Variants in ADAMTS16 observed in about 807,000 individuals in gnomAD.
The protein encoded by ADAMTS16 is A disintegrin and metalloproteinase with thrombospondin motifs 16.
In ADAMTS16, 94 loss-of-function variants were observed where a neutral mutation model predicts 145.8. The ratio of observed to expected loss-of-function variants is 0.64; its 90% CI spans 0.55 to 0.77. The LOEUF (loss-of-function observed/expected upper bound fraction) is 0.77. ADAMTS16 is among the 30% of genes least tolerant of loss of function. The pLI, the probability that ADAMTS16 is intolerant of heterozygous loss-of-function variation, is 0.00. For synonymous variants in ADAMTS16, 659 were observed against 604.3 expected (o/e 1.09, Z -1.33); for missense variants, 1,585 against 1,591.5 (o/e 1.00, Z 0.07).
At chr5:5,149,549 G>A (rs1248950913) in intron 3 of ADAMTS16, among the ~76,000 whole-genome samples, 1 of 152,208 alleles carries the variant, frequency 6.6e-6, no homozygotes, top group Non-Finnish European at 1.5e-5. Context: ...TTATTGAGAT[G>A]TAACTCACTC....
At chr5:5,158,134 A>G (rs2126522389) in intron 3 of ADAMTS16, among the ~76,000 whole-genome samples, 1 of 152,202 alleles carries the variant, frequency 6.6e-6, no homozygotes, top group East Asian at 1.9e-4. Flanking sequence ...CATCCATACT[A>G]CACCTTATTT....
intron 3 of ADAMTS16, among the ~76,000 whole-genome samples, chr5:5,153,696 G>T (rs2126515670): frequency 6.6e-6 from 1 of 152,256 alleles, no homozygotes; most frequent in East Asian, 1.9e-4. Flanking sequence ...GATGGGAATA[G>T]ATTTTTCTTA....
chr5:5,187,539 C>A (rs1369475391), intron 5 of ADAMTS16, among the ~76,000 whole-genome samples, 186 bp from the exon 6 acceptor site: 1 of 152,210 alleles, frequency 6.6e-6, no homozygotes, highest in African/African-American at 2.4e-5. Flanking sequence ...AAGAGGTGGA[C>A]CCCACTCCCA....
intron 18 of ADAMTS16, among the ~76,000 whole-genome samples, chr5:5,263,143 C>A (rs375742033): frequency 7.2e-5 from 11 of 152,190 alleles, no homozygotes; most frequent in Non-Finnish European, 1.0e-4. Context: ...ATGAAACTTG[C>A]TGGAAGAACC....
At chr5:5,181,446 G>T (rs111641106) in intron 3 of ADAMTS16, among the ~76,000 whole-genome samples, 45 of 152,250 alleles carry the variant, frequency 3.0e-4, no homozygotes, top group African/African-American at 1.1e-3. Context: ...GACATTTTTG[G>T]TATTTTTATA....
chr5:5,170,494 T>C (rs1456615231), intron 3 of ADAMTS16, among the ~76,000 whole-genome samples: 1 of 152,102 alleles, frequency 6.6e-6, no homozygotes, highest in Non-Finnish European at 1.5e-5. Flanking sequence ...TTCTCCTGCC[T>C]CAGCCCCCCG....
chr5:5,257,177 T>TG (rs1737814332), intron 17 of ADAMTS16, among the ~76,000 whole-genome samples: 1 of 152,166 alleles, frequency 6.6e-6, no homozygotes, highest in African/African-American at 2.4e-5. Context: ...TCATTGAAAT[T>TG]GTGCCCCAGT....
chr5:5,305,968 T>C (rs1215114905), intron 20 of ADAMTS16, among the ~76,000 whole-genome samples: 1 of 152,244 alleles, frequency 6.6e-6, no homozygotes. Context: ...TGTCTGCAAC[T>C]GGAGCAGCTC....
chr5:5,251,976 G>T (rs943568494), intron 17 of ADAMTS16, among the ~76,000 whole-genome samples: 1 of 152,008 alleles, frequency 6.6e-6, no homozygotes, highest in Non-Finnish European at 1.5e-5. Context: ...GCAGCCTCCC[G>T]AGTAGCTGGG....
chr5:5,174,540 C>T (rs1735136783), intron 3 of ADAMTS16, among the ~76,000 whole-genome samples: 1 of 152,048 alleles, frequency 6.6e-6, no homozygotes, highest in Non-Finnish European at 1.5e-5. Context: ...AATAAACTTT[C>T]CATCTCTCTC....
chr5:5,210,028 C>T (rs1736232557), intron 10 of ADAMTS16, among the ~76,000 whole-genome samples: 1 of 152,176 alleles, frequency 6.6e-6, no homozygotes, highest in African/African-American at 2.4e-5. Context: ...TAAAGTCAAG[C>T]AGAGCTCCCC....
chr5:5,246,737 T>A (rs1407257921), intron 17 of ADAMTS16, among the ~76,000 whole-genome samples: 1 of 152,212 alleles, frequency 6.6e-6, no homozygotes, highest in Non-Finnish European at 1.5e-5. Context: ...CATTTGTGCA[T>A]CTTAATCGGG....
At chr5:5,261,400 C>T (rs942948954) in intron 17 of ADAMTS16, among the ~76,000 whole-genome samples, 1 of 151,988 alleles carries the variant, frequency 6.6e-6, no homozygotes, top group Non-Finnish European at 1.5e-5. Flanking sequence ...AGCCTGTCAA[C>T]GTGCTGGGAT....
chr5:5,197,079 G>T (rs1735825031), intron 8 of ADAMTS16, among the ~76,000 whole-genome samples: 1 of 152,296 alleles, frequency 6.6e-6, no homozygotes, highest in Middle Eastern at 3.4e-3. Flanking sequence ...GGGCAGCTCA[G>T]TCTTACCTGT....
At chr5:5,282,604 C>A (rs2126474116) in intron 18 of ADAMTS16, among the ~76,000 whole-genome samples, 1 of 152,326 alleles carries the variant, frequency 6.6e-6, no homozygotes, top group South Asian at 2.1e-4. Context: ...AAAGCTTACT[C>A]CCCAACAGGG....
At chr5:5,226,836 A>T (rs1164362655) in intron 11 of ADAMTS16, among the ~76,000 whole-genome samples, 1 of 152,240 alleles carries the variant, frequency 6.6e-6, no homozygotes, top group Non-Finnish European at 1.5e-5. Context: ...AGCCTAGTGC[A>T]GTCCCCATTG....
At chr5:5,270,221 C>A (rs1442740245) in intron 18 of ADAMTS16, among the ~76,000 whole-genome samples, 1 of 152,186 alleles carries the variant, frequency 6.6e-6, no homozygotes, top group Non-Finnish European at 1.5e-5. Flanking sequence ...AAATTTCTGT[C>A]TCACAGGAGA....
chr5:5,294,341 T>C (rs141119067), intron 18 of ADAMTS16, among the ~76,000 whole-genome samples: 1 of 152,334 alleles, frequency 6.6e-6, no homozygotes, highest in East Asian at 1.9e-4. Context: ...CAAAGGAAGA[T>C]TTATTTTAAG....
chr5:5,206,151 G>T (rs1736101606), intron 9 of ADAMTS16, among the ~76,000 whole-genome samples: 1 of 151,862 alleles, frequency 6.6e-6, no homozygotes, highest in African/African-American at 2.4e-5. Flanking sequence ...CTTTGGCCGG[G>T]CGCGGTGGCT....
Sources: gnomAD v4.1 joint callset for allele counts (sites outside exome capture counted in the v4.1 genomes callset) on GRCh38, gnomAD v4.1.1 for gene constraint, MANE v1.5 for transcripts, NCBI Gene and HGNC (gene_info 2026-07-23, HGNC 2026-07-21) for gene names.